NDUFB5: variants seen among roughly 807,000 people sequenced by gnomAD.
NDUFB5 encodes the protein NADH:ubiquinone oxidoreductase subunit B5, also known as NADH dehydrogenase [ubiquinone] 1 beta subcomplex subunit 5, mitochondrial.
Under a neutral mutation model 19.4 loss-of-function variants are expected in NDUFB5, and 19 were observed. That is an observed-to-expected ratio of 0.98 (90% CI 0.68 to 1.43). The LOEUF is 1.43. Among genes scored for constraint, NDUFB5 ranks in the 40% most tolerant of loss-of-function variants. The pLI is 0.00. For synonymous variants in NDUFB5, 80 were observed against 82.6 expected (o/e 0.97, Z 0.17); for missense variants, 233 against 236.5 (o/e 0.99, Z 0.10).
Position 179,612,492 on chromosome 3 carries a change from TTTTGAGACAGAGTCTCACTCTCGCCCAGG to T in NDUFB5, c.125-2476_125-2448del, listed in dbSNP as rs1426260349. On this transcript the variant is annotated intron_variant, in intron 1 of 5. Transcript: ENST00000259037. ...CATTAAACCTTTTTTTTTTTTTTTT[TTTTGAGACAGAGTCTCACTCTCGCCCAGG>T]TTGGAGTGCAGTGGCGCGATCTAGG... Among the ~76,000 whole-genome samples the T allele has an allele frequency of 2.5e-4, 38 of 150,158 alleles. No homozygotes were observed. In the South Asian group the frequency reaches 6.8e-3, roughly 27 times the overall value.
At chr3:179,618,993 G>C (rs982309937) in intron 5 of NDUFB5, among the ~76,000 whole-genome samples, 1 of 152,036 alleles carries the variant, frequency 6.6e-6, no homozygotes, top group African/African-American at 2.4e-5. Flanking sequence ...TAGAGTGGAA[G>C]TCTTGCTCTG....
chr3:179,609,350 C>T (rs775130305), intron 1 of NDUFB5, among the ~76,000 whole-genome samples: 7 of 152,012 alleles, frequency 4.6e-5, no homozygotes, highest in East Asian at 1.9e-4. Flanking sequence ...AGAGAAAATA[C>T]GAAGATAGAG....
At chr3:179,610,099 GTTTA>G (rs1719201510) in intron 1 of NDUFB5, among the ~76,000 whole-genome samples, 1 of 151,908 alleles carries the variant, frequency 6.6e-6, no homozygotes, top group Admixed American at 6.6e-5. Context: ...TTATTTATTT[GTTTA>G]TTTATTTTTG....
intron 4 of NDUFB5, among the ~76,000 whole-genome samples, chr3:179,617,989 A>C (rs1232202287): frequency 1.3e-5 from 2 of 152,224 alleles, no homozygotes; most frequent in Non-Finnish European, 2.9e-5. Flanking sequence ...TTATATTTTA[A>C]ATACAAATCT....
chr3:179,614,736 T>C, intron 1 of NDUFB5: 2 of 247,696 alleles, frequency 8.1e-6, no homozygotes, highest in Non-Finnish European at 1.5e-5. Context: ...TCTTAACTCA[T>C]ATTAAACATC....
intron 1 of NDUFB5, among the ~76,000 whole-genome samples, chr3:179,609,621 A>G (rs1489763176): frequency 6.6e-6 from 1 of 152,196 alleles, no homozygotes; most frequent in Non-Finnish European, 1.5e-5. Context: ...GTATCTTACT[A>G]GGATTCCACA....
At chr3:179,607,759 C>T (rs1361494992) in intron 1 of NDUFB5, 1 of 702,312 alleles carries the variant, frequency 1.4e-6, no homozygotes, top group Non-Finnish European at 2.6e-6. Flanking sequence ...TCCACGTAGC[C>T]CCTGGTAACC....
Position 179,612,475 on chromosome 3 carries a change from C to CTT in NDUFB5, c.125-2477_125-2476dup, listed in dbSNP as rs760879075. ...GTTCACATTACTAAGTGCATTAAACCTTTTTTTTTTTTTTTTTTTTGAGAC... is the reference window on the plus strand; with the variant it reads ...GTTCACATTACTAAGTGCATTAAACCTTTTTTTTTTTTTTTTTTTTTTGAGAC... On this transcript the variant is annotated intron_variant, in intron 1 of 5. Coordinates refer to ENST00000259037, the MANE Select transcript of NDUFB5 (RefSeq NM_002492.4). Among the ~76,000 whole-genome samples, 330 of 122,798 alleles carry CTT rather than the reference C, an allele frequency of 2.7e-3. 1 individual carries two copies. The highest frequency in any genetic ancestry group is 3.0e-3 in the African/African-American group (95 of 31,422). 80.6% of individuals were successfully genotyped at this position (122,798 alleles called of 152,430 possible). A position where few individuals can be genotyped will look rare whatever the true frequency, so the allele number is the denominator to read the frequency against.
At chr3:179,613,220 T>G (rs1719292903) in intron 1 of NDUFB5, among the ~76,000 whole-genome samples, 1 of 151,934 alleles carries the variant, frequency 6.6e-6, no homozygotes, top group Admixed American at 6.5e-5. Context: ...TTTTGAGAGA[T>G]CTCTTTGCCA....
intron 5 of NDUFB5, among the ~76,000 whole-genome samples, chr3:179,623,490 A>G (rs950850462): frequency 6.6e-6 from 1 of 152,196 alleles, no homozygotes; most frequent in African/African-American, 2.4e-5. Context: ...CCTGGCCAAC[A>G]TGATAAAACC....
chr3:179,607,645 A>G, intron 1 of NDUFB5: 6 of 645,486 alleles, frequency 9.3e-6, no homozygotes, highest in Admixed American at 2.5e-5. Context: ...TATTAAATAC[A>G]TTCCTAATGC....
intron 5 of NDUFB5, 56 bp downstream of exon 5, chr3:179,618,577 C>T (rs1199721771): frequency 8.5e-6 from 10 of 1,170,258 alleles, no homozygotes; most frequent in African/African-American, 3.1e-5. Flanking sequence ...TAGCAAACCA[C>T]CAGAAAAAAT....
At chr3:179,617,279 AG>A (rs1166755912) in intron 4 of NDUFB5, 1 of 303,376 alleles carries the variant, frequency 3.3e-6, no homozygotes. Flanking sequence ...CTGGGATCAC[AG>A]GTGTGTGCTG....
At chr3:179,623,657 G>T (rs890320629) in intron 5 of NDUFB5, among the ~76,000 whole-genome samples, 2 of 152,140 alleles carry the variant, frequency 1.3e-5, no homozygotes, top group African/African-American at 4.8e-5. Flanking sequence ...CTGGGCAACC[G>T]TGCAAGACTC....
In NDUFB5 at chr3:179,625,244, G is replaced by A. The variant is rs1719641000; in HGVS notation, c.*1204G>A. 6.6e-6 allele frequency: 1 copy of A among 152,108 alleles called. No homozygotes were observed. The allele number at this position is 152,108 out of a possible 1,614,324, so 9.4% of individuals were successfully genotyped here. A position where few individuals can be genotyped will look rare whatever the true frequency, so the allele number is the denominator to read the frequency against. On this transcript the variant is annotated 3_prime_UTR_variant, in exon 6 of 6. Transcript: ENST00000259037. ...ATTCAGGATTTTCAAACCTGTAACA[G>A]CTTATCAATGCATCTCATCTTAGAA...
At chr3:179,605,411 C>T (rs1246212790) in intron 1 of NDUFB5, among the ~76,000 whole-genome samples, 1 of 152,078 alleles carries the variant, frequency 6.6e-6, no homozygotes, top group Non-Finnish European at 1.5e-5. Flanking sequence ...CCGTGCCGCC[C>T]AATAATGAGA....
intron 5 of NDUFB5, among the ~76,000 whole-genome samples, chr3:179,621,555 T>TGGTCTCGG (rs11282225): frequency 0.43 from 62,998 of 147,160 alleles, 15,971 homozygotes; most frequent in East Asian, 0.63. Context: ...TACAGTGGCG[T>TGGTCTCGG]GGTCTCGGCA....
chr3:179,621,492 TTTTC>T (rs1158598463), intron 5 of NDUFB5, among the ~76,000 whole-genome samples: 138 of 148,730 alleles, frequency 9.3e-4, no homozygotes, highest in African/African-American at 3.2e-3. Context: ...AATATTTTCT[TTTTC>T]TTTTTTTTTT....
chr3:179,623,135 T>A (rs1719580075), intron 5 of NDUFB5, among the ~76,000 whole-genome samples: 1 of 152,222 alleles, frequency 6.6e-6, no homozygotes, highest in Non-Finnish European at 1.5e-5. Flanking sequence ...TCGAAAAGTT[T>A]TCTGTCCTAA....
Sources: gnomAD v4.1 joint callset for allele counts (sites outside exome capture counted in the v4.1 genomes callset) on GRCh38, gnomAD v4.1.1 for gene constraint, MANE v1.5 for transcripts, NCBI Gene and HGNC (gene_info 2026-07-23, HGNC 2026-07-21) for gene names.